Variants in FRY observed in about 807,000 individuals in gnomAD.
FRY encodes FRY microtubule binding protein, also known as protein furry homolog.
Under a neutral mutation model 348.4 loss-of-function variants are expected in FRY, and 128 were observed. The ratio of observed to expected loss-of-function variants is 0.37; its 90% confidence interval spans 0.32 to 0.43. The LOEUF is 0.43. Ranked by LOEUF, FRY falls within the 20% of genes least tolerant of loss-of-function variation. FRY has a pLI of 1.00. For missense variants in FRY, 2,736 were observed against 3,695.2 expected (o/e 0.74, Z 6.73); for synonymous variants, 1,370 against 1,374.7 (o/e 1.00, Z 0.08).
intron 49 of FRY, among the ~76,000 whole-genome samples, chr13:32,251,217 A>G (rs531159585): frequency 6.6e-6 from 1 of 152,334 alleles, no homozygotes; most frequent in African/African-American, 2.4e-5. Context: ...CACTGGAAAA[A>G]TGTAATGGTT....
chr13:32,211,637 T>G (rs1018247132), intron 34 of FRY, among the ~76,000 whole-genome samples: 7 of 152,176 alleles, frequency 4.6e-5, no homozygotes, highest in Non-Finnish European at 7.3e-5. Context: ...CCTTCTTGTA[T>G]CTGGACCCTC....
At chr13:32,120,355 G>C (rs1322416386) in intron 4 of FRY, among the ~76,000 whole-genome samples, 1 of 152,054 alleles carries the variant, frequency 6.6e-6, no homozygotes, top group Non-Finnish European at 1.5e-5. Context: ...ATCTGTCTTT[G>C]TTCAATTCCA....
chr13:32,147,939 A>T lies in FRY; in HGVS notation c.1384A>T (p.Ile462Phe). ...LNIFVKIIQF[I>F]AQERLDFAMK... The stretch of plus-strand genomic sequence containing the variant: ...CATCTTTGTGAAAATCATCCAGTTC[A>T]TTGCCCAGGTAATGGAGAAGATTCC... Residue 462 changes from isoleucine (I) to phenylalanine (F), a missense_variant, in exon 13 of 61, where the codon ATT (isoleucine) becomes TTT (phenylalanine). Ile to Phe is a conservative substitution (Grantham distance 21). Coordinates refer to ENST00000542859, the MANE Select transcript of FRY (RefSeq NM_023037.3). The T allele has an allele frequency of 6.4e-7, 1 of 1,567,560 alleles. No individual in the cohort carries two copies. Among genetic ancestry groups the T allele is most frequent in the Non-Finnish European group, 8.8e-7 (1 of 1,137,530 alleles).
At chr13:32,281,178 G>A (rs1024714368) in intron 58 of FRY, among the ~76,000 whole-genome samples, 1 of 152,092 alleles carries the variant, frequency 6.6e-6, no homozygotes, top group Non-Finnish European at 1.5e-5. Context: ...TACTATAAAG[G>A]CTTGAGAGTA....
At chr13:32,099,383 G>A (rs1371792263) in intron 2 of FRY, among the ~76,000 whole-genome samples, 1 of 150,962 alleles carries the variant, frequency 6.6e-6, no homozygotes, top group East Asian at 1.9e-4. Flanking sequence ...CACAAATAAG[G>A]GTAAGTAACA....
In FRY at chr13:32,148,991, A is replaced by T. The variant is rs1880630424; in HGVS notation, c.1393-757A>T. Among the ~76,000 whole-genome samples, 13 of 151,110 alleles carry T rather than the reference A, an allele frequency of 8.6e-5. No homozygotes were observed. In the South Asian group the frequency reaches 2.7e-3, roughly 31 times the overall value. ...CTTTGTTTATTCTGGAATATGTTGT[A>T]TAAAATGAACCTGTTTTATTTATAT... On this transcript the variant is annotated intron_variant, in intron 13 of 60. Transcript: ENST00000542859.
intron 2 of FRY, among the ~76,000 whole-genome samples, chr13:32,097,592 A>ATTTCTATCACATTACGTAAATTTT (rs1566069080): frequency 6.6e-6 from 1 of 151,826 alleles, no homozygotes; most frequent in African/African-American, 2.4e-5. Flanking sequence ...AATTCCCAAC[A>ATTTCTATCACATTACGTAAATTTT]TCAGGTGATC....
chr13:32,261,650 G>A lies in FRY; in HGVS notation c.7451G>A (p.Arg2484His), dbSNP rs764697314. ...ATGGACAATTTCAACTGGGGAGTGC[G>A]CAGACGTTCTCTGGACAGCCTGGAT... Reference protein sequence around the residue: ...ESMDNFNWGVRRRSLDSLDKC... With the variant: ...ESMDNFNWGVHRRSLDSLDKC... The change falls in exon 52 of 61, where the codon CGC (arginine) becomes CAC (histidine). Residue 2484 changes from arginine to histidine, a missense_variant. Arg to His is a conservative substitution (Grantham distance 29). This residue lies in a region of FRY where 789 missense variants were observed against 996.2 expected (regional missense o/e 0.79). Coordinates refer to ENST00000542859, the MANE Select transcript of FRY (RefSeq NM_023037.3). 5.6e-6 allele frequency: 9 copies of A among 1,614,088 alleles called. No individual in the cohort carries two copies. Among genetic ancestry groups the A allele is most frequent in the South Asian group, 4.4e-5 (4 of 91,074 alleles).
chr13:32,167,109 G>A (rs1313129764), intron 17 of FRY, among the ~76,000 whole-genome samples: 1 of 152,142 alleles, frequency 6.6e-6, no homozygotes, highest in African/African-American at 2.4e-5. Context: ...AATCTCATTT[G>A]GAAAGCTGAA....
At chr13:32,047,640 G>A (rs559892684) in intron 1 of FRY, among the ~76,000 whole-genome samples, 43 of 149,650 alleles carry the variant, frequency 2.9e-4, no homozygotes, top group African/African-American at 9.8e-4. Context: ...GCATGATCTC[G>A]CCTCACTGCA....
chr13:32,119,364 A>T (rs1200013310), intron 4 of FRY, among the ~76,000 whole-genome samples: 1 of 152,246 alleles, frequency 6.6e-6, no homozygotes, highest in Non-Finnish European at 1.5e-5. Flanking sequence ...TGGACTGCCA[A>T]ATAAATCTGT....
intron 1 of FRY, among the ~76,000 whole-genome samples, chr13:32,044,973 C>T (rs2138376790): frequency 6.6e-6 from 1 of 152,268 alleles, no homozygotes; most frequent in Non-Finnish European, 1.5e-5. Flanking sequence ...TAATCAATCC[C>T]ATGCAATGTT....
intron 1 of FRY, among the ~76,000 whole-genome samples, chr13:32,063,524 C>G (rs1161339283): frequency 6.6e-6 from 1 of 152,208 alleles, no homozygotes; most frequent in Non-Finnish European, 1.5e-5. Flanking sequence ...TAGACACAGA[C>G]AGAGTCTGAA....
chr13:32,165,341 G>A (rs961642835), intron 17 of FRY, among the ~76,000 whole-genome samples: 1 of 152,160 alleles, frequency 6.6e-6, no homozygotes, highest in Non-Finnish European at 1.5e-5. Flanking sequence ...TTAGTTGTTT[G>A]GAGTAGCTGA....
chr13:32,238,111 G>A (rs906236981), intron 44 of FRY, 125 bp downstream of exon 44: 105 of 1,033,260 alleles, frequency 1.0e-4, no homozygotes, highest in Non-Finnish European at 1.5e-4. Flanking sequence ...CTTGGGAGTA[G>A]TTTATTTTTT....
chr13:32,117,354 C>T lies in FRY; in HGVS notation c.345C>T (p.Ser115=). Residue 115 remains serine (S), a synonymous_variant, in exon 4 of 61, where the codon TCC becomes TCT. Transcript: ENST00000542859. ...CATAGGTCATCAGCTCAATGAGCTC[C>T]CTTTCTGAGTACTGCCTGCCTTCCA... is the stretch of plus-strand genomic sequence containing the variant. ...QFDQVISSMS[S]LSEYCLPSIL... 1 of 1,613,938 alleles carries T rather than the reference C, an allele frequency of 6.2e-7. No homozygotes were observed. Among genetic ancestry groups the T allele is most frequent in the Non-Finnish European group, 8.5e-7 (1 of 1,179,910 alleles).
At chr13:32,102,677 T>A (rs1333384990) in intron 3 of FRY, among the ~76,000 whole-genome samples, 1 of 152,154 alleles carries the variant, frequency 6.6e-6, no homozygotes, top group African/African-American at 2.4e-5. Flanking sequence ...AAACAGTAGG[T>A]AATAAACATA....
At chr13:32,182,248 T>A (rs1462783611) in intron 23 of FRY, among the ~76,000 whole-genome samples, 1 of 152,230 alleles carries the variant, frequency 6.6e-6, no homozygotes, top group African/African-American at 2.4e-5. Context: ...AGAAGAGAAC[T>A]AATTAGATTA....
At chr13:32,246,006 G>A (rs887351986) in intron 47 of FRY, among the ~76,000 whole-genome samples, 2 of 152,188 alleles carry the variant, frequency 1.3e-5, no homozygotes, top group Non-Finnish European at 2.9e-5. Flanking sequence ...TGGCGTTGCT[G>A]CATCATACTT....
Sources: allele counts gnomAD v4.1 joint callset (sites outside exome capture counted in the v4.1 genomes callset), GRCh38; gene constraint gnomAD v4.1.1; regional missense constraint gnomAD v4.1.1; transcripts MANE v1.5; gene names NCBI Gene and HGNC (gene_info 2026-07-23, HGNC 2026-07-21).